Variants in LOC112694756 observed in about 807,000 individuals in gnomAD.
At chr16:30,067,047 G>T in the LOC112694756 span, 6 of 1,575,938 alleles carry the variant, frequency 3.8e-6, no homozygotes, top group African/African-American at 6.8e-5. Context: ...AGGTACAGGG[G>T]CAGGCCTAGC....
At chr16:30,069,397 G>A in the LOC112694756 span, 4 of 1,614,112 alleles carry the variant, frequency 2.5e-6, no homozygotes, top group East Asian at 4.5e-5. Context: ...AAGGTAAATG[G>A]CTACCTGCCT....
chr16:30,060,834 C>T, the LOC112694756 span, among the ~76,000 whole-genome samples: 1 of 152,186 alleles, frequency 6.6e-6, no homozygotes, highest in African/African-American at 2.4e-5. Context: ...TAGCCTCCCC[C>T]AAGGAGGCAG....
chr16:30,062,457 A>C, the LOC112694756 span, among the ~76,000 whole-genome samples: 3 of 145,874 alleles, frequency 2.1e-5, no homozygotes, highest in Non-Finnish European at 1.5e-5. Flanking sequence ...GCTTGAACCC[A>C]GGAGGCGGAG....
the LOC112694756 span, chr16:30,067,208 C>G: frequency 6.2e-7 from 1 of 1,612,044 alleles, no homozygotes; most frequent in Non-Finnish European, 8.5e-7. Context: ...GCTAACTAGT[C>G]CTTCCCCTCT....
chr16:30,060,159 AAT>A, the LOC112694756 span, among the ~76,000 whole-genome samples: 2 of 151,618 alleles, frequency 1.3e-5, no homozygotes, highest in Non-Finnish European at 2.9e-5. Context: ...TCGTATTTTT[AAT>A]AGAGATGATG....
chr16:30,069,538 A>T, the LOC112694756 span: 1 of 1,614,074 alleles, frequency 6.2e-7, no homozygotes, highest in Non-Finnish European at 8.5e-7. Flanking sequence ...TGACCACCAC[A>T]TCTACCTGGA....
chr16:30,066,026 A>G, the LOC112694756 span: 1 of 152,594 alleles, frequency 6.6e-6, no homozygotes, highest in African/African-American at 2.4e-5. Context: ...CCCCCATCCC[A>G]TGCCAGCGTC....
At chr16:30,070,044 G>A in the LOC112694756 span, 3 of 1,613,744 alleles carry the variant, frequency 1.9e-6, no homozygotes, top group Non-Finnish European at 2.5e-6. Flanking sequence ...GGATAGGCAG[G>A]AGGTGGGCAG....
the LOC112694756 span, among the ~76,000 whole-genome samples, chr16:30,066,503 T>C: frequency 2.0e-5 from 3 of 152,374 alleles, no homozygotes; most frequent in Admixed American, 6.5e-5. Flanking sequence ...ACAGTGACGA[T>C]GGCAAAGCTT....
the LOC112694756 span, chr16:30,068,811 C>T: frequency 4.3e-6 from 7 of 1,614,068 alleles, no homozygotes; most frequent in African/African-American, 1.3e-5. Context: ...CCTTCCTCTT[C>T]TCTTAGGGTT....
chr16:30,063,459 C>G, the LOC112694756 span, among the ~76,000 whole-genome samples: 1 of 152,034 alleles, frequency 6.6e-6, no homozygotes, highest in African/African-American at 2.4e-5. Flanking sequence ...GCCAGTTGCT[C>G]TCTGGTCCTC....
At chr16:30,063,872 G>A in the LOC112694756 span, 3 of 399,046 alleles carry the variant, frequency 7.5e-6, no homozygotes, top group East Asian at 7.1e-5. Context: ...TCTGGGGAGC[G>A]GCCAGCCCCC....
the LOC112694756 span, chr16:30,055,408 T>G: frequency 2.5e-6 from 1 of 398,596 alleles, no homozygotes; most frequent in Non-Finnish European, 4.4e-6. Context: ...CTCAACAACA[T>G]TTATTACTGA....
chr16:30,068,554 G>A, the LOC112694756 span: 2 of 1,431,838 alleles, frequency 1.4e-6, no homozygotes, highest in Non-Finnish European at 2.0e-6. Flanking sequence ...AGTGAGCTGA[G>A]ATTCCACCAC....
the LOC112694756 span, chr16:30,066,326 C>G: frequency 6.6e-5 from 10 of 152,496 alleles, no homozygotes; most frequent in African/African-American, 2.4e-4. Flanking sequence ...GCGCCCTTCG[C>G]GAGGAGGGAA....
the LOC112694756 span, among the ~76,000 whole-genome samples, chr16:30,055,486 C>A: frequency 6.6e-6 from 1 of 152,184 alleles, no homozygotes; most frequent in Non-Finnish European, 1.5e-5. Flanking sequence ...AACAACCTAT[C>A]AGATAATGCC....
the LOC112694756 span, chr16:30,067,111 G>T: frequency 1.3e-6 from 2 of 1,571,712 alleles, no homozygotes; most frequent in Non-Finnish European, 1.7e-6. Flanking sequence ...CCCAGGGCCT[G>T]CTGGGTGTGG....
At chr16:30,061,198 C>G in the LOC112694756 span, among the ~76,000 whole-genome samples, 1 of 152,264 alleles carries the variant, frequency 6.6e-6, no homozygotes, top group East Asian at 1.9e-4. Flanking sequence ...TAGACCAGTT[C>G]TCCCTTCTTG....
the LOC112694756 span, chr16:30,069,064 A>G: frequency 1.3e-6 from 2 of 1,586,488 alleles, no homozygotes; most frequent in Admixed American, 1.7e-5. Context: ...CATGATGCCT[A>G]CCTCCCCAAA....
Sources: gnomAD v4.1 joint callset for allele counts (sites outside exome capture counted in the v4.1 genomes callset) on GRCh38, gnomAD v4.1.1 for gene constraint, MANE v1.5 for transcripts.